The following CHMP6 variants were observed in gnomAD, a reference collection of about 807,000 sequenced individuals.
CHMP6 encodes chromatin-modifying protein 6.
Under a neutral mutation model 32.8 loss-of-function variants are expected in CHMP6, and 10 were observed. The ratio of observed to expected loss-of-function variants is 0.30; its 90% CI spans 0.19 to 0.52. The LOEUF is 0.52. CHMP6 is among the 20% of genes least tolerant of loss of function. The pLI is 0.97. For missense variants in CHMP6, 269 were observed against 263.8 expected (o/e 1.02, Z -0.14); for synonymous variants, 123 against 105.8 (o/e 1.16, Z -1.00).
At chr17:80,996,443 C>T (rs1248850520) in intron 4 of CHMP6, among the ~76,000 whole-genome samples, 1 of 152,188 alleles carries the variant, frequency 6.6e-6, no homozygotes, top group Admixed American at 6.5e-5. Flanking sequence ...ACACTCCTGA[C>T]ATGGGGGCCA....
intron 1 of CHMP6, 74 bp downstream of exon 1, chr17:80,992,055 A>G: frequency 9.1e-7 from 1 of 1,099,282 alleles, no homozygotes; most frequent in Admixed American, 4.4e-5. Context: ...CGGGGCCGGA[A>G]GAGCCCCGCG....
Position 80,997,271 on chromosome 17 carries a change from A to G in CHMP6, c.425A>G (p.Glu142Gly). Residue 142 changes from glutamate to glycine, a missense_variant, in exon 6 of 8, where the codon GAG becomes GGG. Glu to Gly is a moderately conservative substitution (Grantham distance 98). Coordinates refer to ENST00000325167, the MANE Select transcript of CHMP6 (RefSeq NM_024591.5). ...EAVEYQRQID[E>G]LLAGSFTQED... Reference sequence around the variant, plus strand: ...CCTGTCCTTTTGCAGCAAATAGACGAGCTCCTGGCAGGAAGCTTCACTCAG... The same window carrying G: ...CCTGTCCTTTTGCAGCAAATAGACGGGCTCCTGGCAGGAAGCTTCACTCAG... 6.4e-7 allele frequency: 1 copy of G among 1,569,816 alleles called. No individual in the cohort carries two copies. Among genetic ancestry groups the G allele is most frequent in the Non-Finnish European group, 8.7e-7 (1 of 1,153,102 alleles).
chr17:80,992,788 G>A (rs1215344731), intron 1 of CHMP6, among the ~76,000 whole-genome samples: 2 of 152,244 alleles, frequency 1.3e-5, no homozygotes, highest in Non-Finnish European at 2.9e-5. Context: ...TTTGTAACGA[G>A]ATAAACGTGT....
At chr17:80,995,187 C>A in intron 3 of CHMP6, 81 bp downstream of exon 3, 2 of 1,359,702 alleles carry the variant, frequency 1.5e-6, no homozygotes, top group East Asian at 5.0e-5. Context: ...TCAGAAATTT[C>A]TCCCGAGAGC....
At chr17:80,998,317 C>T (rs1257548207) in intron 6 of CHMP6, 49 bp from the exon 7 acceptor site, 22 of 1,610,368 alleles carry the variant, frequency 1.4e-5, no homozygotes, top group East Asian at 2.2e-5. Flanking sequence ...CCAGGCAGCC[C>T]GGGGCAGACC....
intron 1 of CHMP6, among the ~76,000 whole-genome samples, chr17:80,992,234 C>G (rs1019410922): frequency 6.6e-6 from 1 of 151,730 alleles, no homozygotes; most frequent in African/African-American, 2.4e-5. Flanking sequence ...CCTCTGCGAG[C>G]CCCGCCGGGG....
chr17:80,992,958 A>G (rs2069605827), intron 1 of CHMP6, among the ~76,000 whole-genome samples: 2 of 152,206 alleles, frequency 1.3e-5, no homozygotes. Flanking sequence ...AAGCTGTGAA[A>G]AGAAACAACG....
intron 7 of CHMP6, chr17:80,998,648 G>A (rs960114775): frequency 7.1e-7 from 1 of 1,412,146 alleles, no homozygotes. Flanking sequence ...CATTCAAAGA[G>A]ACACATTCAG....
chr17:80,992,049 G>A, intron 1 of CHMP6, 68 bp downstream of exon 1: 1 of 1,138,436 alleles, frequency 8.8e-7, no homozygotes, highest in South Asian at 3.0e-5. Context: ...GGGCGGCGGG[G>A]CCGGAAGAGC....
In CHMP6 at chr17:80,991,984, GAGGGCCCGGGCCCGGGGTC is replaced by G. The variant is rs2069595919; in HGVS notation, c.63+9_63+27del. 1.4e-6 allele frequency: 2 copies of G among 1,427,898 alleles called. No homozygotes were observed. The highest frequency in any genetic ancestry group is 3.0e-5 in the African/African-American group (2 of 67,210). The allele number at this position is 1,427,898 out of a possible 1,614,324, so 88.5% of individuals were successfully genotyped here. On this transcript the variant is annotated splice_donor_5th_base_variant and intron_variant, in intron 1 of 7. Coordinates refer to ENST00000325167, the MANE Select transcript of CHMP6 (RefSeq NM_024591.5). ...CGGAGCAGGACAAGGCCATCCTGGT[GAGGGCCCGGGCCCGGGGTC>G]AGGGCTGGGGCCGGGACAGGCGACG...
At chr17:80,995,619 A>C (rs1190900147) in intron 3 of CHMP6, 53 bp from the exon 4 acceptor site, 26 of 1,531,828 alleles carry the variant, frequency 1.7e-5, no homozygotes, top group Non-Finnish European at 2.3e-5. Context: ...CAGGGCCGGG[A>C]GGAGGGCACC....
At position 80,998,636 on chromosome 17, in the gene CHMP6, C is replaced by G. The variant is rs548390974; in HGVS notation, c.550+216C>G. ...GGGCAACCTCATAAGAGAGCCATACCCCATTCAAAGAGACACATTCAGAAA... is the reference window on the plus strand; with the variant it reads ...GGGCAACCTCATAAGAGAGCCATACGCCATTCAAAGAGACACATTCAGAAA... On this transcript the variant is annotated intron_variant, in intron 7 of 7. Coordinates refer to ENST00000325167, the MANE Select transcript of CHMP6 (RefSeq NM_024591.5). 8.4e-5 allele frequency: 119 copies of G among 1,423,460 alleles called. No individual in the cohort carries two copies. The African/African-American group carries it at 1.6e-3, about 19-fold the overall frequency. 88.2% of individuals were successfully genotyped at this position (1,423,460 alleles called of 1,614,324 possible).
chr17:80,994,482 C>A, intron 1 of CHMP6, 99 bp from the exon 2 acceptor site: 5 of 1,060,950 alleles, frequency 4.7e-6, no homozygotes, highest in South Asian at 1.6e-5. Context: ...ATGAAGGACA[C>A]TCACGGAGGG....
In CHMP6 at chr17:80,999,150, G is replaced by A. The variant is rs148563596; in HGVS notation, c.603G>A (p.Ser201=). 1.8e-4 allele frequency: 289 copies of A among 1,614,006 alleles called. No homozygotes were observed. In the East Asian group the frequency reaches 4.0e-3, roughly 22 times the overall value. Residue 201 remains serine (S), a synonymous_variant, in exon 8 of 8, where the codon TCG becomes TCA. Transcript: ENST00000325167. ...RPRQAELVAA[S] is the part of the protein sequence containing the mutation. ...GGCAGGCGGAGCTGGTGGCAGCTTC[G>A]TAACGTGGCCTCGTCTTGTGGGACT...
intron 7 of CHMP6, chr17:80,998,706 A>T: frequency 7.3e-7 from 1 of 1,370,462 alleles, no homozygotes; most frequent in Non-Finnish European, 9.5e-7. Flanking sequence ...GCTCATTCCC[A>T]GGGTGTAGCC....
At position 80,999,252 on chromosome 17, in the gene CHMP6, C is replaced by T. The variant is rs914956362; in HGVS notation, c.*99C>T. On this transcript the variant is annotated 3_prime_UTR_variant, in exon 8 of 8. Transcript: ENST00000325167. ...GCCCCTGACCGGGTTCCCTGGAGCC[C>T]AGTGCGCACGGTGCTGAGCAGAGCT... The T allele has an allele frequency of 1.1e-4, 147 of 1,393,346 alleles. No homozygotes were observed. Among genetic ancestry groups the T allele is most frequent in the Admixed American group, 6.2e-4 (36 of 58,512 alleles). 86.3% of individuals were successfully genotyped at this position (1,393,346 alleles called of 1,614,324 possible).
intron 1 of CHMP6, among the ~76,000 whole-genome samples, chr17:80,992,616 G>A (rs1356445100): frequency 6.6e-6 from 1 of 152,182 alleles, no homozygotes; most frequent in Non-Finnish European, 1.5e-5. Context: ...GCCTGGGTAC[G>A]GGACCACCGT....
chr17:80,995,194 G>GAGCTGAA (rs2069626820), intron 3 of CHMP6, 88 bp downstream of exon 3: 14 of 1,321,532 alleles, frequency 1.1e-5, no homozygotes, highest in Non-Finnish European at 1.5e-5. Flanking sequence ...TTTCTCCCGA[G>GAGCTGAA]AGCTGAAAGC....
rs2069664028 is a variant in CHMP6, at chr17:80,999,138, G to A, written c.591G>A (p.Leu197=). The change falls in exon 8 of 8, where the codon CTG becomes CTA. Residue 197 remains leucine, a synonymous_variant. Transcript: ENST00000325167. ...AGGCCAGGCCCAGGCAGGCGGAGCT[G>A]GTGGCAGCTTCGTAACGTGGCCTCG... The part of the protein sequence containing the change: ...PVKARPRQAE[L]VAAS The A allele has an allele frequency of 6.2e-7, 1 of 1,613,876 alleles. No homozygotes were observed. Among genetic ancestry groups the A allele is most frequent in the African/African-American group, 1.3e-5 (1 of 74,932 alleles).
Sources: gnomAD v4.1 joint callset for allele counts (sites outside exome capture counted in the v4.1 genomes callset) on GRCh38, gnomAD v4.1.1 for gene constraint, MANE v1.5 for transcripts, NCBI Gene and HGNC (gene_info 2026-07-23, HGNC 2026-07-21) for gene names.